ZMYM6: variants seen among roughly 807,000 people sequenced by gnomAD.
The protein encoded by ZMYM6 is zinc finger MYM-type containing 6, also known as zinc finger MYM-type protein 6.
Under a neutral mutation model 134.0 loss-of-function variants are expected in ZMYM6, and 90 were observed. That is an observed-to-expected ratio of 0.67 (90% confidence interval 0.57 to 0.80). ZMYM6 has a LOEUF of 0.80. Ranked by LOEUF, ZMYM6 falls within the 30% of genes least tolerant of loss-of-function variation. The pLI is 0.00. For missense variants in ZMYM6, 1,362 were observed against 1,533.9 expected (o/e 0.89, Z 1.87); for synonymous variants, 481 against 524.1 (o/e 0.92, Z 1.12).
intron 4 of ZMYM6, chr1:35,017,698 C>T (rs1269480398): frequency 1.3e-5 from 2 of 151,944 alleles, no homozygotes; most frequent in Non-Finnish European, 2.9e-5. Flanking sequence ...AACAGTATGA[C>T]TTAATTTAAT....
rs766655024 is a variant in ZMYM6 at position 35,030,626 on chromosome 1, A to G, written c.14T>C (p.Leu5Ser). ...CACTGCTTTGCCACATTCACCATCC[A>G]AAGGTTCTTTCATTCTAATTTTTTA... Reference protein sequence around the residue: MKEPLDGECGKAVVP... With the variant: MKEPSDGECGKAVVP... Residue 5 changes from leucine (L) to serine (S), a missense_variant, in exon 2 of 16, where the codon TTG becomes TCG. Physicochemically the swap from Leu to Ser is moderately radical, Grantham distance 145 (BLOSUM62 -2). This residue lies in a region of ZMYM6 where 503 missense variants were observed against 520.8 expected (regional missense o/e 0.97). Transcript: ENST00000357182. 8 of 1,612,480 alleles carry G rather than the reference A, an allele frequency of 5.0e-6. 2 individuals are homozygous for G. In the South Asian group the frequency reaches 8.8e-5, roughly 18 times the overall value.
At chr1:34,994,961 A>G (rs1237421238) in intron 14 of ZMYM6, among the ~76,000 whole-genome samples, 1 of 146,018 alleles carries the variant, frequency 6.8e-6, no homozygotes, top group Non-Finnish European at 1.5e-5. Context: ...TATCCATAAT[A>G]TATCATAATA....
At chr1:35,029,200 A>G (rs1265724549) in intron 2 of ZMYM6, among the ~76,000 whole-genome samples, 1 of 152,090 alleles carries the variant, frequency 6.6e-6, no homozygotes, top group African/African-American at 2.4e-5. Flanking sequence ...AAACCCTATA[A>G]TGGCTATCTA....
intron 2 of ZMYM6, among the ~76,000 whole-genome samples, chr1:35,028,989 G>A (rs1355578780): frequency 1.3e-5 from 2 of 151,452 alleles, no homozygotes; most frequent in Non-Finnish European, 2.9e-5. Context: ...TCAGGAGTTT[G>A]AAACCAGCCT....
At chr1:35,031,787 C>G (rs2148465687) in intron 1 of ZMYM6, 28 bp downstream of exon 1, 1 of 152,632 alleles carries the variant, frequency 6.6e-6, no homozygotes, top group African/African-American at 2.4e-5. Flanking sequence ...CCCGCCGTCC[C>G]GCCCACTACC....
At position 35,013,546 on chromosome 1, in the gene ZMYM6, AT is replaced by A. The variant is rs1472972539; in HGVS notation, c.796-966del. ...TGAAAGTAGAACCAGACTGCCAAAA[AT>A]GGCAAATCTTAAAAAAAGAGATTCT... On this transcript the variant is annotated intron_variant, in intron 6 of 15. Coordinates refer to ENST00000357182, the MANE Select transcript of ZMYM6 (RefSeq NM_007167.4). The A allele has an allele frequency of 3.0e-6, 3 of 985,338 alleles. No individual in the cohort carries two copies. The African/African-American group carries it at 5.2e-5, about 17-fold the overall frequency. 61.0% of individuals were successfully genotyped at this position (985,338 alleles called of 1,614,324 possible).
chr1:35,005,313 G>T (rs1197908482), intron 12 of ZMYM6, 41 bp from the exon 13 acceptor site: 4 of 1,600,142 alleles, frequency 2.5e-6, no homozygotes, highest in Non-Finnish European at 3.4e-6. Flanking sequence ...TAAGCAAAAG[G>T]GTCTCTCTCT....
intron 6 of ZMYM6, 42 bp downstream of exon 6, chr1:35,014,655 A>G: frequency 1.3e-6 from 2 of 1,575,890 alleles, no homozygotes; most frequent in Admixed American, 1.8e-5. Flanking sequence ...GCCAAATCAG[A>G]AGGAGTGGGC....
chr1:35,018,884 T>A (rs992095410), intron 4 of ZMYM6: 1 of 167,980 alleles, frequency 6.0e-6, no homozygotes, highest in African/African-American at 2.4e-5. Context: ...TCTCTGCATC[T>A]AAGCATTATT....
In ZMYM6 at chr1:35,014,009, A is replaced by G. The variant is rs151126693; in HGVS notation, c.795+688T>C. Among the ~76,000 whole-genome samples the G allele has an allele frequency of 3.5e-3, 535 of 152,352 alleles. 6 individuals carry two copies. Among genetic ancestry groups the G allele is most frequent in the African/African-American group, 0.012 (486 of 41,584 alleles). On this transcript the variant is annotated intron_variant, in intron 6 of 15. Coordinates refer to ENST00000357182, the MANE Select transcript of ZMYM6 (RefSeq NM_007167.4). ...CGGCCTTACAAGATACTTCTTTAAG[A>G]AAAACTTTTTAAAACCACAAATTAG...
chr1:35,018,386 G>A (rs967139635), intron 4 of ZMYM6: 1 of 151,912 alleles, frequency 6.6e-6, no homozygotes, highest in Non-Finnish European at 1.5e-5. Context: ...CTTTTAAATA[G>A]TTTAAGTCAA....
At chr1:35,018,504 TTA>T (rs1226914312) in intron 4 of ZMYM6, 3 of 151,634 alleles carry the variant, frequency 2.0e-5, no homozygotes, top group African/African-American at 4.8e-5. Flanking sequence ...TTATATTTAT[TTA>T]TGTTAATTAT....
At chr1:35,005,917 A>C (rs1042443266) in intron 12 of ZMYM6, among the ~76,000 whole-genome samples, 7 of 152,254 alleles carry the variant, frequency 4.6e-5, no homozygotes, top group African/African-American at 1.7e-4. Flanking sequence ...CATTAATAAG[A>C]CTGCAGAGGT....
At chr1:35,011,844 G>A (rs374412414) in intron 8 of ZMYM6, 46 bp downstream of exon 8, 77 of 1,310,106 alleles carry the variant, frequency 5.9e-5, no homozygotes, top group Non-Finnish European at 7.5e-5. Flanking sequence ...GCCACAGATC[G>A]ATGCCTAACA....
chr1:34,992,365 A>C lies in ZMYM6; in HGVS notation c.2015T>G (p.Met672Arg), dbSNP rs1398779590. The C allele has an allele frequency of 6.2e-7, 1 of 1,614,006 alleles. No homozygotes were observed. ...IQDESTQEDA[M>R]KFPSSQSSQP... ...GGAAGATTGGGAAGATGGAAATTTCATAGCATCTTCCTGTGTACTTTCCTA... is the reference window on the plus strand; with the variant it reads ...GGAAGATTGGGAAGATGGAAATTTCCTAGCATCTTCCTGTGTACTTTCCTA... Residue 672 changes from methionine (M) to arginine (R), a missense_variant, in exon 15 of 16, where the codon ATG (methionine) becomes AGG (arginine). Met to Arg is a moderately conservative substitution (Grantham distance 91). This residue lies in a region of ZMYM6 where 824 missense variants were observed against 940.9 expected (regional missense o/e 0.88). Transcript: ENST00000357182.
chr1:35,012,383 T>G (rs753791330), intron 7 of ZMYM6, 48 bp downstream of exon 7: 40 of 1,384,778 alleles, frequency 2.9e-5, no homozygotes, highest in Non-Finnish European at 3.7e-5. Context: ...AGTTACGTTT[T>G]TCTTCAATAG....
At chr1:35,003,788 G>A (rs1018133803) in intron 14 of ZMYM6, 180 bp downstream of exon 14, 11 of 563,772 alleles carry the variant, frequency 2.0e-5, no homozygotes, top group Non-Finnish European at 2.9e-5. Context: ...AATTGCTGCC[G>A]AAATATGGTC....
chr1:35,016,830 C>T (rs1190850045), intron 4 of ZMYM6, among the ~76,000 whole-genome samples: 3 of 150,490 alleles, frequency 2.0e-5, no homozygotes, highest in Non-Finnish European at 4.4e-5. Context: ...GAGCAAGACC[C>T]GATCTCTATA....
At chr1:34,989,144 T>C in intron 15 of ZMYM6, 1 of 1,351,034 alleles carries the variant, frequency 7.4e-7, no homozygotes, top group Non-Finnish European at 9.5e-7. Context: ...GATCACTAGG[T>C]ATAATAAAAC....
Sources: gnomAD v4.1 joint callset for allele counts (sites outside exome capture counted in the v4.1 genomes callset) on GRCh38, gnomAD v4.1.1 for gene constraint, gnomAD v4.1.1 regional missense constraint, MANE v1.5 for transcripts, NCBI Gene and HGNC (gene_info 2026-07-23, HGNC 2026-07-21) for gene names.